AFAP1: variants seen among roughly 807,000 people sequenced by gnomAD.
The protein encoded by AFAP1 is actin filament associated protein 1.
A neutral mutation model predicts 93.9 loss-of-function variants in AFAP1; 75 were observed. That is an observed-to-expected ratio of 0.80 (90% CI 0.66 to 0.97). The LOEUF is 0.97. Ranked by LOEUF, AFAP1 falls within the 50% of genes least tolerant of loss-of-function variation. The pLI is 0.00. For missense variants in AFAP1, 1,201 were observed against 1,050.8 expected, an observed-to-expected ratio of 1.14 and a Z score of -1.98; for synonymous variants, 517 against 430.7, an observed-to-expected ratio of 1.20 and a Z score of -2.48.
intron 11 of AFAP1, among the ~76,000 whole-genome samples, chr4:7,789,936 T>C (rs1173882653): frequency 6.6e-6 from 1 of 152,212 alleles, no homozygotes; most frequent in Non-Finnish European, 1.5e-5. Flanking sequence ...TTCAGGAAAA[T>C]ATGTTTCGAT....
rs1720380514 is a variant in AFAP1, at chr4:7,815,306, TAA to T, written c.904+710_904+711del. 2.6e-5 allele frequency among the ~76,000 whole-genome samples: 4 copies of T among 152,308 alleles called. No homozygotes were observed. In the South Asian group the frequency reaches 6.2e-4, roughly 24 times the overall value. On this transcript the variant is annotated intron_variant, in intron 8 of 17. Coordinates refer to ENST00000420658, the MANE Select transcript of AFAP1 (RefSeq NM_001134647.2). Reference sequence around the variant, plus strand: ...GGACAGAGCTTCGCTCTTGCAACATTAAAAGAGTTCTGGAGACTGATGGCGGT... The same window carrying T: ...GGACAGAGCTTCGCTCTTGCAACATTAAGAGTTCTGGAGACTGATGGCGGT...
intron 1 of AFAP1, among the ~76,000 whole-genome samples, chr4:7,894,769 T>A (rs936859066): frequency 5.3e-5 from 8 of 152,154 alleles, no homozygotes; most frequent in African/African-American, 1.9e-4. Flanking sequence ...GCTGCCGTCA[T>A]CTCTGGAAAG....
intron 5 of AFAP1, among the ~76,000 whole-genome samples, chr4:7,840,421 C>G (rs1712875967): frequency 1.3e-5 from 2 of 150,438 alleles, no homozygotes; most frequent in African/African-American, 2.5e-5. Flanking sequence ...TCAAGCGATT[C>G]TCCTGCCTCA....
At chr4:7,841,900 G>A (rs2149112617) in intron 5 of AFAP1, among the ~76,000 whole-genome samples, 1 of 151,890 alleles carries the variant, frequency 6.6e-6, no homozygotes, top group East Asian at 1.9e-4. Flanking sequence ...GGGGGTGAGG[G>A]AGAGGAGGGC....
At chr4:7,779,081 C>G (rs113636982) in intron 13 of AFAP1, 18 of 566,330 alleles carry the variant, frequency 3.2e-5, no homozygotes, top group African/African-American at 2.5e-4. Context: ...AAGGAGGGTA[C>G]GGCAGAGGCT....
At chr4:7,877,914 C>A (rs1717606852) in intron 1 of AFAP1, among the ~76,000 whole-genome samples, 1 of 152,134 alleles carries the variant, frequency 6.6e-6, no homozygotes, top group South Asian at 2.1e-4. Flanking sequence ...CGCCAGTTCC[C>A]AGGACGCAGG....
At chr4:7,885,788 C>G (rs1718109991) in intron 1 of AFAP1, among the ~76,000 whole-genome samples, 1 of 152,160 alleles carries the variant, frequency 6.6e-6, no homozygotes, top group African/African-American at 2.4e-5. Context: ...TCAGAACATA[C>G]AAAAATTCGT....
intron 1 of AFAP1, among the ~76,000 whole-genome samples, chr4:7,922,539 TC>T (rs1720494799): frequency 6.6e-6 from 1 of 152,208 alleles, no homozygotes; most frequent in African/African-American, 2.4e-5. Context: ...AGTGCAGCTC[TC>T]AGGCTGGGCT....
chr4:7,782,230 G>A (rs1367207601), intron 12 of AFAP1, among the ~76,000 whole-genome samples: 1 of 152,266 alleles, frequency 6.6e-6, no homozygotes, highest in Non-Finnish European at 1.5e-5. Context: ...TGGCAGAGCG[G>A]AGGGAAGGGC....
At chr4:7,925,092 G>A (rs1034899632) in intron 1 of AFAP1, among the ~76,000 whole-genome samples, 2 of 152,020 alleles carry the variant, frequency 1.3e-5, no homozygotes, top group African/African-American at 4.8e-5. Flanking sequence ...TGACGACACC[G>A]ACTCCCTTGC....
intron 1 of AFAP1, among the ~76,000 whole-genome samples, chr4:7,887,867 C>T (rs935605787): frequency 3.3e-5 from 5 of 151,748 alleles, no homozygotes; most frequent in Non-Finnish European, 5.9e-5. Flanking sequence ...CGCTCCATTG[C>T]CCAGGCTAGA....
In AFAP1 at chr4:7,768,857, A is replaced by G. The variant is rs1714991221; in HGVS notation, c.2405T>C (p.Leu802Pro). ...PGSSPCRGHV[L>P]RKAKEWELKN... ...ATCAGGGCTTACCTTGGCCTTCCGC[A>G]GCACATGCCCTCGGCAGGGGGAGCT... Residue 802 changes from leucine (L) to proline (P), a missense_variant, in exon 17 of 18, where the codon CTG (leucine) becomes CCG (proline). By Grantham distance (98) the Leu-to-Pro change is moderately conservative (BLOSUM62 -3). Transcript: ENST00000420658. The G allele has an allele frequency of 5.0e-6, 8 of 1,599,740 alleles. No individual in the cohort carries two copies. The highest frequency in any genetic ancestry group is 6.8e-6 in the Non-Finnish European group (8 of 1,169,556).
rs533227568 is a variant in AFAP1 at position 7,800,245 on chromosome 4, C to G, written c.1266+197G>C. Among the ~76,000 whole-genome samples, 4 of 148,422 alleles carry G rather than the reference C, an allele frequency of 2.7e-5. No homozygotes were observed. The East Asian group carries it at 6.2e-4, about 23-fold the overall frequency. ...TGCTGGGGTGCCGTCATTGTCGTAT[C>G]TCCCAGAAAAAAAACTGAGGCAAGA... is the stretch of plus-strand genomic sequence containing the variant. On this transcript the variant is annotated intron_variant, in intron 10 of 17. Transcript: ENST00000420658.
At chr4:7,869,173 GAA>G (rs1274961789) in intron 2 of AFAP1, among the ~76,000 whole-genome samples, 3 of 149,412 alleles carry the variant, frequency 2.0e-5, no homozygotes, top group African/African-American at 4.9e-5. Context: ...GAAAAGAAAA[GAA>G]AAGAGAAAAG....
intron 9 of AFAP1, among the ~76,000 whole-genome samples, chr4:7,802,896 G>A (rs980728904): frequency 1.3e-5 from 2 of 152,046 alleles, no homozygotes; most frequent in Admixed American, 6.6e-5. Context: ...TGATCCACCC[G>A]CCTCGGCCTC....
chr4:7,776,155 C>A (rs112654851), intron 14 of AFAP1: 1 of 152,190 alleles, frequency 6.6e-6, no homozygotes, highest in African/African-American at 2.4e-5. Context: ...AACTCCCAGG[C>A]CTTCCTGACT....
rs1714990853 is a variant in AFAP1 at position 7,768,856 on chromosome 4, C to T, written c.2406G>A (p.Leu802=). ...PGSSPCRGHV[L]RKAKEWELKN... is the part of the protein sequence containing the mutation. ...CATCAGGGCTTACCTTGGCCTTCCG[C>T]AGCACATGCCCTCGGCAGGGGGAGC... is the stretch of plus-strand genomic sequence containing the variant. The change falls in exon 17 of 18, where the codon CTG becomes CTA. Residue 802 remains leucine, a synonymous_variant. Transcript: ENST00000420658. The T allele has an allele frequency of 6.3e-7, 1 of 1,599,316 alleles. No individual in the cohort carries two copies. The highest frequency in any genetic ancestry group is 1.3e-5 in the African/African-American group (1 of 74,606).
intron 1 of AFAP1, among the ~76,000 whole-genome samples, chr4:7,901,306 C>T (rs1426663791): frequency 1.3e-5 from 2 of 152,248 alleles, no homozygotes; most frequent in Non-Finnish European, 2.9e-5. Flanking sequence ...AAGTTCACAA[C>T]GTCCTTCTGA....
intron 1 of AFAP1, among the ~76,000 whole-genome samples, chr4:7,874,964 T>A (rs1315453030): frequency 6.6e-6 from 1 of 152,162 alleles, no homozygotes; most frequent in African/African-American, 2.4e-5. Context: ...TATAATCATA[T>A]AAATAAAGCT....
Sources: gnomAD v4.1 joint callset for allele counts (sites outside exome capture counted in the v4.1 genomes callset) on GRCh38, gnomAD v4.1.1 for gene constraint, MANE v1.5 for transcripts, NCBI Gene and HGNC (gene_info 2026-07-23, HGNC 2026-07-21) for gene names.